Variants in LIN52 observed in about 807,000 individuals in gnomAD.
The protein encoded by LIN52 is protein lin-52 homolog.
In LIN52, 4 loss-of-function variants were observed where a neutral mutation model predicts 18.5. That is an observed-to-expected ratio of 0.22 (90% CI 0.11 to 0.49). The LOEUF (loss-of-function observed/expected upper bound fraction) is 0.49. LIN52 is among the 20% of genes least tolerant of loss of function. The pLI is 0.97. For missense variants in LIN52, 102 were observed against 139.5 expected, an observed-to-expected ratio of 0.73 and a Z score of 1.35; for synonymous variants, 34 against 45.5, an observed-to-expected ratio of 0.75 and a Z score of 1.02.
intron 5 of LIN52, among the ~76,000 whole-genome samples, chr14:74,117,177 A>G (rs1300102524): frequency 6.6e-6 from 1 of 152,244 alleles, no homozygotes; most frequent in Non-Finnish European, 1.5e-5. Context: ...TTTCCCATAC[A>G]TATCTCATTT....
At chr14:74,149,923 T>C (rs2061169399) in intron 5 of LIN52, among the ~76,000 whole-genome samples, 1 of 152,152 alleles carries the variant, frequency 6.6e-6, no homozygotes, top group Admixed American at 6.6e-5. Context: ...AGGTCTTGTG[T>C]TACCATCTTA....
At chr14:74,127,681 G>T (rs1020803613) in intron 5 of LIN52, among the ~76,000 whole-genome samples, 2 of 152,202 alleles carry the variant, frequency 1.3e-5, no homozygotes, top group Non-Finnish European at 2.9e-5. Context: ...GGTACTGGTA[G>T]TGGACATGGA....
chr14:74,196,621 C>G (rs1039247761), intron 5 of LIN52, among the ~76,000 whole-genome samples: 1 of 152,146 alleles, frequency 6.6e-6, no homozygotes. Context: ...AAGTAAATTT[C>G]TTTTCCTTCA....
intron 5 of LIN52, among the ~76,000 whole-genome samples, chr14:74,141,642 G>T (rs1452371797): frequency 1.3e-5 from 2 of 152,202 alleles, no homozygotes; most frequent in Non-Finnish European, 2.9e-5. Context: ...AGCTTTTAGG[G>T]GGGAGGTAGT....
chr14:74,105,070 T>C (rs1349670777), intron 5 of LIN52, among the ~76,000 whole-genome samples: 2 of 151,980 alleles, frequency 1.3e-5, no homozygotes, highest in Non-Finnish European at 2.9e-5. Context: ...GGATAAATGA[T>C]TCTTTTTCTT....
Position 74,130,295 on chromosome 14 carries a change from T to TTTTTTTTTTTTTTTTTTTTTTTTTTTTTC in LIN52, c.283+29058_283+29059insTTTTTTTTTTTTTTTTTTTTTTTTTTTCT, listed in dbSNP as rs1315000657. On this transcript the variant is annotated intron_variant, in intron 5 of 5. Transcript: ENST00000555028. ...ATTTTTTGGTTTTTTTTTTTTTTTT[T>TTTTTTTTTTTTTTTTTTTTTTTTTTTTTC]TGAGACAGTCTCGCTCTTTTGCCAA... Among the ~76,000 whole-genome samples the TTTTTTTTTTTTTTTTTTTTTTTTTTTTTC allele has an allele frequency of 6.4e-5, 9 of 140,278 alleles. 1 individual carries two copies. The highest frequency in any genetic ancestry group is 9.3e-5 in the Non-Finnish European group (6 of 64,306). The allele number at this position is 140,278 out of a possible 152,430, so 92.0% of individuals were successfully genotyped here. A position where few individuals can be genotyped will look rare whatever the true frequency, so the allele number is the denominator to read the frequency against.
chr14:74,090,905 C>T lies in LIN52; in HGVS notation c.20-327C>T, dbSNP rs79201909. On this transcript the variant is annotated intron_variant, in intron 1 of 5. Coordinates refer to ENST00000555028, the MANE Select transcript of LIN52 (RefSeq NM_001024674.3). ...GCATCTAGAGTGCTATCAGAAGAGT[C>T]TGTTTCATGGAAGGAGAAACACTTA... is the stretch of plus-strand genomic sequence containing the variant. 9.9e-3 allele frequency among the ~76,000 whole-genome samples: 1,511 copies of T among 152,158 alleles called. 28 individuals are homozygous for T. Among genetic ancestry groups the T allele is most frequent in the African/African-American group, 0.034 (1,414 of 41,496 alleles).
intron 5 of LIN52, among the ~76,000 whole-genome samples, chr14:74,132,044 G>A (rs778894138): frequency 6.6e-6 from 1 of 152,216 alleles, no homozygotes; most frequent in African/African-American, 2.4e-5. Context: ...ATCATGAAAA[G>A]GGAAAGGCAT....
At chr14:74,170,933 C>T (rs1363172946) in intron 5 of LIN52, among the ~76,000 whole-genome samples, 2 of 150,346 alleles carry the variant, frequency 1.3e-5, no homozygotes, top group Non-Finnish European at 2.9e-5. Context: ...TGTAATCCCA[C>T]ACTTAGAGAT....
At position 74,144,272 on chromosome 14, in the gene LIN52, C is replaced by G. The variant is rs534115796; in HGVS notation, c.283+43034C>G. Among the ~76,000 whole-genome samples, 3 of 151,412 alleles carry G rather than the reference C, an allele frequency of 2.0e-5. No individual in the cohort carries two copies. In the East Asian group the frequency reaches 5.8e-4, roughly 29 times the overall value. On this transcript the variant is annotated intron_variant, in intron 5 of 5. Coordinates refer to ENST00000555028, the MANE Select transcript of LIN52 (RefSeq NM_001024674.3). ...CAAGTAGCTGGTGTGGGAGCCACACCCAGCTAATTTTTTTTTTTTTAATTG... is the reference window on the plus strand; with the variant it reads ...CAAGTAGCTGGTGTGGGAGCCACACGCAGCTAATTTTTTTTTTTTTAATTG...
At chr14:74,149,925 AC>A (rs2061169429) in intron 5 of LIN52, among the ~76,000 whole-genome samples, 1 of 152,128 alleles carries the variant, frequency 6.6e-6, no homozygotes, top group Non-Finnish European at 1.5e-5. Context: ...GTCTTGTGTT[AC>A]CATCTTAGCA....
rs202166612 is a variant in LIN52, at chr14:74,111,123, G to A, written c.283+9885G>A. ...CTTTCAAGAAGCAGAAGTTTCCACA[G>A]CACTAGCCTGTGGTACTAGACTTCT... is the stretch of plus-strand genomic sequence containing the variant. On this transcript the variant is annotated intron_variant, in intron 5 of 5. Transcript: ENST00000555028. Among the ~76,000 whole-genome samples the A allele has an allele frequency of 1.2e-4, 19 of 152,302 alleles. No individual in the cohort carries two copies. The East Asian group carries it at 3.7e-3, about 29-fold the overall frequency.
intron 5 of LIN52, among the ~76,000 whole-genome samples, chr14:74,175,727 C>CAA (rs1311613944): frequency 1.4e-5 from 2 of 146,050 alleles, no homozygotes; most frequent in Non-Finnish European, 3.0e-5. Context: ...CACACACACA[C>CAA]ACACACACAC....
chr14:74,165,255 A>G (rs777442241), intron 5 of LIN52, among the ~76,000 whole-genome samples: 24 of 151,966 alleles, frequency 1.6e-4, no homozygotes, highest in Non-Finnish European at 3.1e-4. Flanking sequence ...ATTATGAGGA[A>G]TTAAGGTGGG....
chr14:74,170,901 C>T (rs1355781671), intron 5 of LIN52, among the ~76,000 whole-genome samples: 2 of 151,374 alleles, frequency 1.3e-5, no homozygotes, highest in East Asian at 1.9e-4. Flanking sequence ...CATAAATGAT[C>T]CCAGGCATGG....
intron 2 of LIN52, among the ~76,000 whole-genome samples, chr14:74,094,337 G>A (rs7146708): frequency 0.54 from 81,818 of 151,450 alleles, 22,990 homozygotes; most frequent in East Asian, 0.89. Flanking sequence ...ACAGCTGACT[G>A]CAGCCTCAAC....
chr14:74,111,393 A>G (rs776596829), intron 5 of LIN52, among the ~76,000 whole-genome samples: 1 of 151,548 alleles, frequency 6.6e-6, no homozygotes, highest in Non-Finnish European at 1.5e-5. Flanking sequence ...GGTTCAAGCA[A>G]TCCTCCCAGC....
chr14:74,123,028 A>G (rs907575897), intron 5 of LIN52, among the ~76,000 whole-genome samples: 18 of 152,298 alleles, frequency 1.2e-4, no homozygotes, highest in African/African-American at 3.6e-4. Context: ...ATACAGCCTT[A>G]TTTATAAAAC....
intron 5 of LIN52, among the ~76,000 whole-genome samples, chr14:74,107,323 A>C (rs943348893): frequency 6.6e-6 from 1 of 152,142 alleles, no homozygotes; most frequent in Non-Finnish European, 1.5e-5. Flanking sequence ...TCAATACTAC[A>C]TTGCTTCCTT....
Sources: allele counts gnomAD v4.1 joint callset (sites outside exome capture counted in the v4.1 genomes callset), GRCh38; gene constraint gnomAD v4.1.1; transcripts MANE v1.5; gene names NCBI Gene and HGNC (gene_info 2026-07-23, HGNC 2026-07-21).